Variants in GRIP1 observed in about 807,000 individuals in gnomAD.
GRIP1 encodes the protein glutamate receptor interacting protein 1.
Under a neutral mutation model 129.9 loss-of-function variants are expected in GRIP1, and 45 were observed. The observed-to-expected ratio is 0.35, with a 90% CI of 0.27 to 0.44. GRIP1 has a LOEUF of 0.44. Among genes scored for constraint, GRIP1 ranks in the 20% least tolerant of loss-of-function variants. GRIP1 has a pLI of 1.00. For missense variants in GRIP1, 1,196 were observed against 1,396.8 expected (o/e 0.86, Z 2.29); for synonymous variants, 530 against 520.8 (o/e 1.02, Z -0.24).
intron 1 of GRIP1, among the ~76,000 whole-genome samples, chr12:66,726,986 A>C (rs2036275721): frequency 6.6e-6 from 1 of 152,222 alleles, no homozygotes; most frequent in East Asian, 1.9e-4. Flanking sequence ...AATCATTTAT[A>C]TTGTAGTAGT....
chr12:66,454,775 C>A lies in GRIP1; in HGVS notation c.1354+634G>T, dbSNP rs568269063. Among the ~76,000 whole-genome samples, 6 of 152,286 alleles carry A rather than the reference C, an allele frequency of 3.9e-5. No homozygotes were observed. The East Asian group carries it at 1.2e-3, about 29-fold the overall frequency. Reference sequence around the variant, plus strand: ...TTGTAAAGCTGAGCATCCTTCCAATCTTCCTTAGGCTGGAGTGGACAGTAA... The same window carrying A: ...TTGTAAAGCTGAGCATCCTTCCAATATTCCTTAGGCTGGAGTGGACAGTAA... On this transcript the variant is annotated intron_variant, in intron 11 of 24. Transcript: ENST00000359742.
At chr12:66,533,846 C>T (rs1655698126) in intron 4 of GRIP1, among the ~76,000 whole-genome samples, 2 of 130,296 alleles carry the variant, frequency 1.5e-5, no homozygotes, top group Non-Finnish European at 3.3e-5. Context: ...AGATTACACA[C>T]ACACACACAC....
chr12:66,707,578 C>G (rs1015833431), intron 1 of GRIP1, among the ~76,000 whole-genome samples: 1 of 148,798 alleles, frequency 6.7e-6, no homozygotes, highest in East Asian at 2.0e-4. Flanking sequence ...TGTCCTTGGT[C>G]TCTCCTAGCA....
At chr12:66,483,883 G>A (rs1592408382) in intron 7 of GRIP1, among the ~76,000 whole-genome samples, 2 of 150,094 alleles carry the variant, frequency 1.3e-5, no homozygotes, top group East Asian at 2.0e-4. Flanking sequence ...TTTTTGAGAC[G>A]GAGTCTCGCT....
intron 15 of GRIP1, among the ~76,000 whole-genome samples, chr12:66,417,722 T>A (rs2057658708): frequency 6.6e-6 from 1 of 151,868 alleles, no homozygotes; most frequent in Non-Finnish European, 1.5e-5. Flanking sequence ...TACTTAGAAA[T>A]TAATGAAAGA....
intron 1 of GRIP1, among the ~76,000 whole-genome samples, chr12:66,690,207 A>G (rs530462850): frequency 4.6e-5 from 7 of 152,248 alleles, no homozygotes; most frequent in African/African-American, 1.4e-4. Flanking sequence ...GGCGTGAACC[A>G]CCACATCCAG....
intron 1 of GRIP1, among the ~76,000 whole-genome samples, chr12:66,787,564 A>G (rs1463269482): frequency 6.6e-6 from 1 of 152,112 alleles, no homozygotes; most frequent in African/African-American, 2.4e-5. Context: ...TTAGATCATG[A>G]GGGCAGGGCA....
At chr12:66,921,670 A>G (rs577547004) in intron 1 of GRIP1, among the ~76,000 whole-genome samples, 2 of 152,364 alleles carry the variant, frequency 1.3e-5, no homozygotes, top group South Asian at 4.1e-4. Flanking sequence ...GAACTAGCAA[A>G]GAGCTAGGAC....
chr12:66,930,791 G>T (rs2041381440), intron 1 of GRIP1, among the ~76,000 whole-genome samples: 1 of 152,140 alleles, frequency 6.6e-6, no homozygotes, highest in African/African-American at 2.4e-5. Flanking sequence ...AGAGGGAGGA[G>T]AGTTCTATCC....
At chr12:66,422,964 C>A (rs1047933402) in intron 14 of GRIP1, among the ~76,000 whole-genome samples, 1 of 152,098 alleles carries the variant, frequency 6.6e-6, no homozygotes, top group Non-Finnish European at 1.5e-5. Flanking sequence ...GTATCCTAGC[C>A]CCATGTTTTA....
At chr12:66,416,482 G>A (rs1592812527) in intron 15 of GRIP1, among the ~76,000 whole-genome samples, 1 of 152,008 alleles carries the variant, frequency 6.6e-6, no homozygotes, top group African/African-American at 2.4e-5. Flanking sequence ...TTTTAAAAAG[G>A]TGAGCAAAAT....
At chr12:66,412,474 TA>T (rs1206388696) in intron 15 of GRIP1, among the ~76,000 whole-genome samples, 4 of 152,160 alleles carry the variant, frequency 2.6e-5, no homozygotes, top group Admixed American at 2.0e-4. Flanking sequence ...CAAGAGCTCT[TA>T]AAAGAAGAGC....
At position 66,785,343 on chromosome 12, in the gene GRIP1, C is replaced by CATACATACATAT. The variant is rs377630345; in HGVS notation, c.-420+18709_-420+18710insATATGTATGTAT. On this transcript the variant is annotated intron_variant, in intron 1 of 4. Transcript: ENST00000538373. ...ACATACATACATACATACATACATA[C>CATACATACATAT]ATATATATATATATATATATTAGTT... Among the ~76,000 whole-genome samples the CATACATACATAT allele has an allele frequency of 5.9e-3, 429 of 72,780 alleles. 9 individuals are homozygous for CATACATACATAT. The highest frequency in any genetic ancestry group is 0.012 in the African/African-American group (241 of 19,722). 47.7% of individuals were successfully genotyped at this position (72,780 alleles called of 152,430 possible).
chr12:66,501,339 C>T lies in GRIP1; in HGVS notation c.724+14280G>A, dbSNP rs142617527. ...GATAGCTTAAACATGGAGAAAATTA[C>T]GTCACGCCTGGTGGGGAATATTGTA... On this transcript the variant is annotated intron_variant, in intron 7 of 24. Coordinates refer to ENST00000359742, the MANE Select transcript of GRIP1 (RefSeq NM_001366722.1). Among the ~76,000 whole-genome samples the T allele has an allele frequency of 5.8e-3, 884 of 152,202 alleles. 4 individuals are homozygous for T. Among genetic ancestry groups the T allele is most frequent in the African/African-American group, 0.02 (842 of 41,526 alleles).
chr12:66,660,212 C>T (rs1166763098), intron 1 of GRIP1, among the ~76,000 whole-genome samples: 8 of 152,074 alleles, frequency 5.3e-5, no homozygotes, highest in African/African-American at 1.4e-4. Flanking sequence ...CTTAGTTTGG[C>T]TATTAAAATG....
chr12:66,887,420 G>A lies in GRIP1; in HGVS notation c.58+181630C>T, dbSNP rs145772301. Among the ~76,000 whole-genome samples, 209 of 152,300 alleles carry A rather than the reference G, an allele frequency of 1.4e-3. 8 individuals carry two copies. In the East Asian group the frequency reaches 0.03, roughly 22 times the overall value. On this transcript the variant is annotated intron_variant, in intron 1 of 1. Coordinates refer to the GRIP1 transcript ENST00000643019. ...ATGTACCCACTTTACAGGTTGTTAT[G>A]AGGATTGAATGAGTGTCTGCCTTAA...
chr12:66,780,845 T>C (rs2038136164), intron 1 of GRIP1, among the ~76,000 whole-genome samples: 1 of 152,154 alleles, frequency 6.6e-6, no homozygotes, highest in Non-Finnish European at 1.5e-5. Context: ...AAGCTCAAAC[T>C]AGCCCATGCA....
At chr12:66,538,673 T>A (rs2061679081) in intron 4 of GRIP1, among the ~76,000 whole-genome samples, 1 of 151,362 alleles carries the variant, frequency 6.6e-6, no homozygotes, top group African/African-American at 2.4e-5. Context: ...CGTGATCATG[T>A]CTCACTGCAG....
chr12:66,445,656 A>C (rs2058602054), intron 11 of GRIP1, 148 bp from the exon 12 acceptor site: 1 of 610,872 alleles, frequency 1.6e-6, no homozygotes, highest in East Asian at 2.7e-5. Context: ...AAGAGTTGAA[A>C]AAGATAAATG....
Sources: gnomAD v4.1 joint callset for allele counts (sites outside exome capture counted in the v4.1 genomes callset) on GRCh38, gnomAD v4.1.1 for gene constraint, MANE v1.5 for transcripts, NCBI Gene and HGNC (gene_info 2026-07-23, HGNC 2026-07-21) for gene names.